Variants in EPHA5 observed in about 807,000 individuals in gnomAD.
EPHA5 encodes the protein EPH receptor A5.
In EPHA5, 60 loss-of-function variants were observed where a neutral mutation model predicts 105.0. The observed-to-expected ratio is 0.57, with a 90% CI of 0.46 to 0.71. The LOEUF is 0.71. Ranked by LOEUF, EPHA5 falls within the 30% of genes least tolerant of loss-of-function variation. EPHA5 has a pLI of 0.00. For synonymous variants in EPHA5, 513 were observed against 449.1 expected (o/e 1.14, Z -1.80); for missense variants, 1,218 against 1,274.7 (o/e 0.96, Z 0.68).
chr4:65,563,642 C>G (rs565390560), intron 3 of EPHA5, among the ~76,000 whole-genome samples: 1 of 151,844 alleles, frequency 6.6e-6, no homozygotes, highest in Admixed American at 6.6e-5. Flanking sequence ...GCAGAAAGTA[C>G]CAAATCCACA....
intron 1 of EPHA5, among the ~76,000 whole-genome samples, chr4:65,646,541 T>C (rs938138102): frequency 2.6e-5 from 4 of 152,190 alleles, no homozygotes; most frequent in Non-Finnish European, 4.4e-5. Context: ...CATCCTACAA[T>C]GTACTGTCAA....
At chr4:65,385,885 A>C (rs750367328) in intron 8 of EPHA5, among the ~76,000 whole-genome samples, 1 of 151,918 alleles carries the variant, frequency 6.6e-6, no homozygotes, top group Non-Finnish European at 1.5e-5. Context: ...AAAATCAGAC[A>C]GATTAATAGA....
intron 5 of EPHA5, among the ~76,000 whole-genome samples, chr4:65,447,596 T>G (rs1325560047): frequency 6.6e-6 from 1 of 151,952 alleles, no homozygotes; most frequent in African/African-American, 2.4e-5. Context: ...ATCTTACTAC[T>G]ATTTTTGCTT....
At chr4:65,495,241 T>C in intron 4 of EPHA5, 147 bp downstream of exon 4, 1 of 811,018 alleles carries the variant, frequency 1.2e-6, no homozygotes, top group Non-Finnish European at 1.8e-6. Flanking sequence ...TTCAAGGAGA[T>C]TGAAAATTGG....
At chr4:65,556,102 C>T (rs1187617980) in intron 3 of EPHA5, among the ~76,000 whole-genome samples, 1 of 152,070 alleles carries the variant, frequency 6.6e-6, no homozygotes, top group African/African-American at 2.4e-5. Flanking sequence ...AAGATCTATA[C>T]CCTAGATAAA....
At chr4:65,421,453 G>T (rs1374049577) in intron 5 of EPHA5, among the ~76,000 whole-genome samples, 1 of 152,070 alleles carries the variant, frequency 6.6e-6, no homozygotes, top group Non-Finnish European at 1.5e-5. Flanking sequence ...GTAAGACAAT[G>T]AAGTTTTGAA....
At chr4:65,542,885 G>C (rs1434476817) in intron 3 of EPHA5, among the ~76,000 whole-genome samples, 3 of 151,916 alleles carry the variant, frequency 2.0e-5, no homozygotes, top group Non-Finnish European at 4.4e-5. Context: ...TGATCATGTT[G>C]GTTTCAGCCC....
intron 11 of EPHA5, among the ~76,000 whole-genome samples, chr4:65,357,609 T>C (rs1014824844): frequency 4.0e-5 from 6 of 151,422 alleles, no homozygotes; most frequent in African/African-American, 1.5e-4. Context: ...GCATAAGAGC[T>C]ACTTAAAGTA....
At chr4:65,354,101 A>G (rs1723081697) in intron 11 of EPHA5, among the ~76,000 whole-genome samples, 3 of 151,762 alleles carry the variant, frequency 2.0e-5, no homozygotes, top group African/African-American at 7.3e-5. Context: ...TAAAATGAGG[A>G]TAGCAATGGC....
chr4:65,384,305 T>C (rs1719876602), intron 8 of EPHA5, among the ~76,000 whole-genome samples: 2 of 152,116 alleles, frequency 1.3e-5, no homozygotes, highest in South Asian at 4.1e-4. Context: ...GATAATTTTA[T>C]CTTCTATTCT....
At chr4:65,588,200 T>C (rs558253280) in intron 3 of EPHA5, among the ~76,000 whole-genome samples, 2 of 152,244 alleles carry the variant, frequency 1.3e-5, no homozygotes, top group South Asian at 2.1e-4. Flanking sequence ...TACAGACACA[T>C]AGCAGCTTTT....
intron 11 of EPHA5, among the ~76,000 whole-genome samples, chr4:65,362,066 T>A (rs1240153907): frequency 2.0e-5 from 3 of 151,644 alleles, no homozygotes; most frequent in African/African-American, 7.3e-5. Flanking sequence ...AACTGTGGGC[T>A]TTTTTTATGT....
intron 8 of EPHA5, among the ~76,000 whole-genome samples, chr4:65,403,335 G>A (rs1301548579): frequency 2.0e-5 from 3 of 151,844 alleles, no homozygotes; most frequent in Non-Finnish European, 2.9e-5. Context: ...TGAGTAGAAC[G>A]GTAACAAAAT....
chr4:65,559,537 G>A (rs1228255909), intron 3 of EPHA5, among the ~76,000 whole-genome samples: 1 of 152,124 alleles, frequency 6.6e-6, no homozygotes, highest in Non-Finnish European at 1.5e-5. Flanking sequence ...AGGTTTCTCT[G>A]TGATGTCTCT....
At chr4:65,400,191 A>T (rs1430991080) in intron 8 of EPHA5, among the ~76,000 whole-genome samples, 3 of 152,188 alleles carry the variant, frequency 2.0e-5, no homozygotes, top group Non-Finnish European at 4.4e-5. Flanking sequence ...ATAAGAGATA[A>T]ACTCTACAAA....
chr4:65,358,049 C>T (rs1481129447), intron 11 of EPHA5, among the ~76,000 whole-genome samples: 4 of 151,348 alleles, frequency 2.6e-5, no homozygotes, highest in African/African-American at 9.7e-5. Context: ...GCAGCATAGA[C>T]ATGGCCTGGG....
chr4:65,428,360 T>C (rs1724652255), intron 5 of EPHA5, among the ~76,000 whole-genome samples: 1 of 152,136 alleles, frequency 6.6e-6, no homozygotes, highest in Admixed American at 6.6e-5. Flanking sequence ...TGTTGTCATT[T>C]GATACTGTTG....
At chr4:65,576,084 A>AAAAG (rs1740970678) in intron 3 of EPHA5, among the ~76,000 whole-genome samples, 2 of 101,288 alleles carry the variant, frequency 2.0e-5, no homozygotes, top group Admixed American at 2.5e-4. Context: ...AAAAGAAAAG[A>AAAAG]AAAGAAAAGA....
intron 3 of EPHA5, among the ~76,000 whole-genome samples, chr4:65,585,929 T>C (rs888520908): frequency 3.3e-4 from 50 of 151,858 alleles, no homozygotes; most frequent in African/African-American, 1.2e-3. Context: ...CTTACTTTTT[T>C]TTCTACGTCA....
Sources: allele counts gnomAD v4.1 joint callset (sites outside exome capture counted in the v4.1 genomes callset), GRCh38; gene constraint gnomAD v4.1.1; transcripts MANE v1.5; gene names NCBI Gene and HGNC (gene_info 2026-07-23, HGNC 2026-07-21).